The following HYCC2 variants were observed in gnomAD, a reference collection of about 807,000 sequenced individuals.
HYCC2 encodes hyccin 2.
chr2:201,037,079 A>G, the HYCC2 span, among the ~76,000 whole-genome samples: 2 of 152,234 alleles, frequency 1.3e-5, no homozygotes, highest in African/African-American at 2.4e-5. Context: ...TGCAAAAATC[A>G]CAAGCATTCT....
the HYCC2 span, among the ~76,000 whole-genome samples, chr2:200,994,590 CAACTT>C: frequency 1.3e-5 from 2 of 152,128 alleles, no homozygotes; most frequent in South Asian, 4.1e-4. Context: ...TTTTTAATGT[CAACTT>C]AACAATGTAC....
the HYCC2 span, among the ~76,000 whole-genome samples, chr2:201,050,881 G>C: frequency 6.6e-6 from 1 of 152,120 alleles, no homozygotes; most frequent in African/African-American, 2.4e-5. Context: ...GTTGCAGTGA[G>C]CTGAGATCGC....
the HYCC2 span, among the ~76,000 whole-genome samples, chr2:201,036,590 C>A: frequency 6.6e-6 from 1 of 152,204 alleles, no homozygotes; most frequent in Non-Finnish European, 1.5e-5. Context: ...GCTGGTTCAA[C>A]AAACGCAAAT....
chr2:201,058,484 G>A, the HYCC2 span, among the ~76,000 whole-genome samples: 1 of 152,232 alleles, frequency 6.6e-6, no homozygotes, highest in Non-Finnish European at 1.5e-5. Flanking sequence ...GCCAAGGCGG[G>A]TGGATCGCTT....
the HYCC2 span, chr2:200,987,414 G>A: frequency 7.8e-7 from 1 of 1,289,612 alleles, no homozygotes; most frequent in African/African-American, 1.5e-5. Flanking sequence ...CATGCTCAGG[G>A]GTCCTGCGCA....
chr2:200,979,113 A>G, the HYCC2 span: 1 of 151,598 alleles, frequency 6.6e-6, no homozygotes, highest in Non-Finnish European at 1.5e-5. Flanking sequence ...CATACCTGAA[A>G]CTGCCTGTTT....
the HYCC2 span, chr2:200,981,807 T>C: frequency 2.5e-6 from 4 of 1,614,018 alleles, no homozygotes; most frequent in Admixed American, 5.0e-5. This position sits in a 1 kb window ranked among gnomAD's most constrained non-coding sequence, Gnocchi z 4.5. Flanking sequence ...AAGCCCCTGA[T>C]GAAAATCCTT....
the HYCC2 span, among the ~76,000 whole-genome samples, chr2:201,032,610 G>A: frequency 2.6e-5 from 4 of 152,066 alleles, no homozygotes; most frequent in East Asian, 1.9e-4. Context: ...ATGCAATTAC[G>A]ATTGAGATTC....
the HYCC2 span, chr2:201,024,170 G>T: frequency 1.9e-6 from 1 of 538,470 alleles, no homozygotes; most frequent in Non-Finnish European, 3.2e-6. Context: ...GTCTTAGTTT[G>T]GAGCACAATT....
chr2:201,067,761 T>TC, the HYCC2 span, among the ~76,000 whole-genome samples: 1 of 152,240 alleles, frequency 6.6e-6, no homozygotes, highest in Non-Finnish European at 1.5e-5. Context: ...CTTGAATTAC[T>TC]CCAACTCTTA....
At chr2:200,982,414 A>C in the HYCC2 span, among the ~76,000 whole-genome samples, 4 of 152,094 alleles carry the variant, frequency 2.6e-5, no homozygotes, top group Non-Finnish European at 5.9e-5. Context: ...AACTGCTTCT[A>C]TATGGTTTTA....
the HYCC2 span, chr2:201,063,007 G>A: frequency 3.3e-6 from 5 of 1,498,896 alleles, no homozygotes; most frequent in East Asian, 1.1e-4. Flanking sequence ...TATGCATCAA[G>A]TACTATAATA....
At chr2:201,071,062 C>T in the HYCC2 span, among the ~76,000 whole-genome samples, 1 of 152,186 alleles carries the variant, frequency 6.6e-6, no homozygotes, top group African/African-American at 2.4e-5. Flanking sequence ...GTTGCAAGAC[C>T]TCCTCTCCCA....
the HYCC2 span, chr2:201,063,647 A>G: frequency 1.9e-6 from 3 of 1,574,546 alleles, no homozygotes; most frequent in Non-Finnish European, 2.6e-6. Flanking sequence ...GCAAGAGATG[A>G]CTAGTGCTTC....
At chr2:200,988,570 C>T in the HYCC2 span, 1 of 525,922 alleles carries the variant, frequency 1.9e-6, no homozygotes, top group South Asian at 4.2e-5. Flanking sequence ...TTCTTTTAAG[C>T]AGGCTTTTCA....
At chr2:201,028,615 G>T in the HYCC2 span, among the ~76,000 whole-genome samples, 1 of 151,510 alleles carries the variant, frequency 6.6e-6, no homozygotes, top group Non-Finnish European at 1.5e-5. Context: ...CCAAAACAGA[G>T]ATATAGACCA....
chr2:201,045,639 TCAAGAATGTAATACAAAGAA>T, the HYCC2 span: 1 of 396,820 alleles, frequency 2.5e-6, no homozygotes, highest in Non-Finnish European at 4.4e-6. Context: ...GGTAATATTC[TCAAGAATGTAATACAAAGAA>T]CAGTTTTGAT....
chr2:201,037,938 C>T, the HYCC2 span, among the ~76,000 whole-genome samples: 4,818 of 152,094 alleles, frequency 0.032, 223 homozygotes, highest in African/African-American at 0.11. Flanking sequence ...AAGAAACTAC[C>T]ATCAGAGTGA....
chr2:200,988,254 G>T, the HYCC2 span: 1 of 1,601,426 alleles, frequency 6.2e-7, no homozygotes, highest in Non-Finnish European at 8.5e-7. Context: ...TGGGGATTTT[G>T]TACTCACCTT....
Sources: allele counts gnomAD v4.1 joint callset (sites outside exome capture counted in the v4.1 genomes callset), GRCh38; gene constraint gnomAD v4.1.1; non-coding constraint Gnocchi (gnomAD v3.1); transcripts MANE v1.5; gene names NCBI Gene and HGNC (gene_info 2026-07-23, HGNC 2026-07-21).